Variants in SH2D4A observed in about 807,000 individuals in gnomAD.
SH2D4A encodes the protein SH2 domain-containing protein 4A.
Under a neutral mutation model 64.7 loss-of-function variants are expected in SH2D4A, and 70 were observed. The observed-to-expected ratio is 1.08, with a 90% confidence interval of 0.89 to 1.32. SH2D4A has a LOEUF of 1.32. SH2D4A is among the 40% of genes most tolerant of loss of function. The pLI is 0.00. For synonymous variants in SH2D4A, 268 were observed against 200.7 expected (o/e 1.34, Z -2.83); for missense variants, 706 against 540.1 (o/e 1.31, Z -3.04).
intron 4 of SH2D4A, among the ~76,000 whole-genome samples, chr8:19,347,446 T>C (rs2052630041): frequency 1.3e-5 from 2 of 152,198 alleles, no homozygotes; most frequent in South Asian, 4.1e-4. Flanking sequence ...GCCATCTGAA[T>C]GCAGTGATGT....
chr8:19,317,344 A>G (rs367939468), intron 1 of SH2D4A, among the ~76,000 whole-genome samples: 1 of 138,156 alleles, frequency 7.2e-6, no homozygotes, highest in South Asian at 2.3e-4. Context: ...CAAGCCTTTA[A>G]GGGTATCTCA....
Position 19,319,730 on chromosome 8 carries a change from T to C in SH2D4A, c.181+2T>C, listed in dbSNP as rs1200596101. ...CAGTGAAACCCAGACCAAAGAAAGG[T>C]AAACTTATCCACGTTTCTTCTGTGG... On this transcript the variant is annotated splice_donor_variant, in intron 2 of 9. Transcript: ENST00000265807. LOFTEE classifies it high-confidence loss of function. 1.9e-6 allele frequency: 3 copies of C among 1,570,414 alleles called. No homozygotes were observed. Among genetic ancestry groups the C allele is most frequent in the Non-Finnish European group, 2.6e-6 (3 of 1,162,692 alleles).
intron 8 of SH2D4A, among the ~76,000 whole-genome samples, chr8:19,388,692 A>T (rs756502367): frequency 2.6e-5 from 4 of 152,214 alleles, no homozygotes; most frequent in African/African-American, 4.8e-5. Context: ...GAAAAATGAA[A>T]TGCATCTCTT....
chr8:19,324,188 G>A (rs1266355942), intron 2 of SH2D4A, among the ~76,000 whole-genome samples: 1 of 152,156 alleles, frequency 6.6e-6, no homozygotes, highest in Non-Finnish European at 1.5e-5. Flanking sequence ...AACAGAAGAC[G>A]CCTTCGCTTA....
At chr8:19,348,200 A>T (rs2052641918) in intron 4 of SH2D4A, among the ~76,000 whole-genome samples, 1 of 152,014 alleles carries the variant, frequency 6.6e-6, no homozygotes, top group South Asian at 2.1e-4. Flanking sequence ...GGCTCAGGTG[A>T]TCCTCCTTCC....
chr8:19,335,205 G>C (rs867148084), intron 4 of SH2D4A, among the ~76,000 whole-genome samples: 1 of 151,886 alleles, frequency 6.6e-6, no homozygotes, highest in Non-Finnish European at 1.5e-5. Context: ...GGAGAACGGC[G>C]TGAACCTGGG....
intron 4 of SH2D4A, among the ~76,000 whole-genome samples, chr8:19,348,067 A>T (rs1473334582): frequency 1.3e-5 from 2 of 152,130 alleles, no homozygotes; most frequent in African/African-American, 4.8e-5. Context: ...TGACACTGAA[A>T]CTATGGTGGT....
At chr8:19,350,039 G>C (rs7837867) in intron 4 of SH2D4A, among the ~76,000 whole-genome samples, 8 of 152,114 alleles carry the variant, frequency 5.3e-5, no homozygotes, top group African/African-American at 1.4e-4. Flanking sequence ...GTTAAGTTTT[G>C]TGTTCCATTT....
chr8:19,344,717 T>G (rs560461296), intron 4 of SH2D4A, among the ~76,000 whole-genome samples: 1 of 152,192 alleles, frequency 6.6e-6, no homozygotes, highest in Non-Finnish European at 1.5e-5. Context: ...GGGTCAGTAG[T>G]ATAGGCCTGC....
intron 1 of SH2D4A, among the ~76,000 whole-genome samples, chr8:19,318,125 C>T (rs1013638628): frequency 6.6e-6 from 1 of 152,076 alleles, no homozygotes; most frequent in East Asian, 1.9e-4. Context: ...AGACTGGTCT[C>T]GAACTCCTGA....
chr8:19,350,723 A>G (rs374008662), intron 4 of SH2D4A, among the ~76,000 whole-genome samples: 34 of 152,194 alleles, frequency 2.2e-4, no homozygotes, highest in Admixed American at 7.2e-4. Context: ...GGTGCAAACA[A>G]TCTTCTGACT....
Position 19,318,379 on chromosome 8 carries a change from TAGAG to T in SH2D4A, c.-204-959_-204-956del, listed in dbSNP as rs531790204. On this transcript the variant is annotated intron_variant, in intron 1 of 9. Transcript: ENST00000265807. ...ATGGGACTTAGAAATTGTTTAAAAATAGAGAGAGAAAGTATGACAGTGTGGTAAT... is the reference window on the plus strand; with the variant it reads ...ATGGGACTTAGAAATTGTTTAAAAATAGAGAAAGTATGACAGTGTGGTAAT... 1.4e-3 allele frequency among the ~76,000 whole-genome samples: 212 copies of T among 152,324 alleles called. 3 individuals are homozygous for T. Among genetic ancestry groups the T allele is most frequent in the Admixed American group, 4.0e-3 (61 of 15,296 alleles).
intron 2 of SH2D4A, among the ~76,000 whole-genome samples, chr8:19,326,243 T>C (rs1351994727): frequency 2.6e-5 from 4 of 152,214 alleles, no homozygotes; most frequent in African/African-American, 4.8e-5. Flanking sequence ...TGAGCTGATA[T>C]TTAGTGACAG....
intron 4 of SH2D4A, among the ~76,000 whole-genome samples, chr8:19,347,685 GC>G (rs1183980258): frequency 1.3e-5 from 2 of 152,100 alleles, no homozygotes; most frequent in Non-Finnish European, 2.9e-5. Flanking sequence ...TACAGAAATG[GC>G]CTTCAGAGTG....
intron 4 of SH2D4A, among the ~76,000 whole-genome samples, chr8:19,350,773 G>A (rs556366252): frequency 1.3e-5 from 2 of 152,296 alleles, no homozygotes; most frequent in South Asian, 2.1e-4. Context: ...CTGAGCCACC[G>A]CAGCAGCCGA....
Position 19,393,399 on chromosome 8 carries a change from G to C in SH2D4A, c.1130G>C (p.Arg377Thr), listed in dbSNP as rs1563217089. ...AGTTTTCTCATCCGAGTCAGTGAAAGGATCAAAGGCTATGCCCTGTCCTAT... is the reference window on the plus strand; with the variant it reads ...AGTTTTCTCATCCGAGTCAGTGAAACGATCAAAGGCTATGCCCTGTCCTAT... ...PGSFLIRVSE[R>T]IKGYALSYLS... Residue 377 changes from arginine (R) to threonine (T), a missense_variant, in exon 9 of 10, where the codon AGG becomes ACG. By Grantham distance (71) the Arg-to-Thr change is moderately conservative. Transcript: ENST00000265807. 4 of 1,614,148 alleles carry C rather than the reference G, an allele frequency of 2.5e-6. No homozygotes were observed. The highest frequency in any genetic ancestry group is 3.4e-6 in the Non-Finnish European group (4 of 1,179,948).
intron 6 of SH2D4A, among the ~76,000 whole-genome samples, chr8:19,362,537 C>G (rs971903807): frequency 2.6e-5 from 4 of 152,060 alleles, no homozygotes; most frequent in African/African-American, 9.7e-5. Context: ...GTCATGAGTT[C>G]AAGACCAGCC....
Position 19,393,812 on chromosome 8 carries a change from C to G in SH2D4A, c.1272+271C>G, listed in dbSNP as rs918325048. On this transcript the variant is annotated intron_variant, in intron 9 of 9. Transcript: ENST00000265807. ...AACAAAAAAATAAAAGCTGTACCCA[C>G]ATGGATCACATATGACAGCAATCCC... Among the ~76,000 whole-genome samples, 8 of 152,202 alleles carry G rather than the reference C, an allele frequency of 5.3e-5. No individual in the cohort carries two copies. The East Asian group carries it at 1.5e-3, about 29-fold the overall frequency.
chr8:19,363,074 T>A (rs2052921280), intron 6 of SH2D4A, among the ~76,000 whole-genome samples: 1 of 152,028 alleles, frequency 6.6e-6, no homozygotes, highest in Admixed American at 6.6e-5. Flanking sequence ...TTGGGGGTAT[T>A]GATTATTTTT....
Sources: allele counts gnomAD v4.1 joint callset (sites outside exome capture counted in the v4.1 genomes callset), GRCh38; gene constraint gnomAD v4.1.1; transcripts MANE v1.5; gene names NCBI Gene and HGNC (gene_info 2026-07-23, HGNC 2026-07-21).